GRIN2A: variants seen among roughly 807,000 people sequenced by gnomAD.
GRIN2A encodes glutamate receptor ionotropic, NMDA 2A.
GRIN2A carries 22 observed loss-of-function variants against 113.4 expected under a neutral mutation model. The ratio of observed to expected loss-of-function variants is 0.19; its 90% CI spans 0.14 to 0.28. The LOEUF (loss-of-function observed/expected upper bound fraction) is 0.28, where lower values mean the gene tolerates loss of function less well. GRIN2A is among the 10% of genes least tolerant of loss of function. GRIN2A has a pLI of 1.00. For missense variants in GRIN2A, 1,502 were observed against 1,887.0 expected (o/e 0.80, Z 3.78); for synonymous variants, 827 against 738.4 (o/e 1.12, Z -1.94).
intron 2 of GRIN2A, among the ~76,000 whole-genome samples, chr16:9,991,268 G>C (rs537562425): frequency 3.3e-5 from 5 of 152,234 alleles, no homozygotes; most frequent in African/African-American, 1.2e-4. Flanking sequence ...AGGGATCCAA[G>C]TCCTAGATAG....
intron 5 of GRIN2A, among the ~76,000 whole-genome samples, chr16:9,841,964 A>G (rs1241568634): frequency 6.6e-6 from 1 of 152,230 alleles, no homozygotes; most frequent in African/African-American, 2.4e-5. Flanking sequence ...CTTTAAAAAG[A>G]AAGGAGGCCG....
At chr16:9,905,983 T>G (rs575574331) in intron 3 of GRIN2A, among the ~76,000 whole-genome samples, 171 of 152,340 alleles carry the variant, frequency 1.1e-3, no homozygotes, top group Non-Finnish European at 2.0e-3. Flanking sequence ...CAATATTTTC[T>G]ATTGTTTCTC....
At chr16:9,877,445 G>C (rs926626483) in intron 4 of GRIN2A, among the ~76,000 whole-genome samples, 1 of 152,100 alleles carries the variant, frequency 6.6e-6, no homozygotes, top group Non-Finnish European at 1.5e-5. Context: ...ATCTCCAGTT[G>C]AAGGTGGGTC....
chr16:9,845,345 G>T (rs1408558625), intron 5 of GRIN2A, among the ~76,000 whole-genome samples: 1 of 152,122 alleles, frequency 6.6e-6, no homozygotes, highest in Non-Finnish European at 1.5e-5. Flanking sequence ...TTCAGCTCCA[G>T]GGCTTTTGAT....
At chr16:10,071,055 C>T (rs1283224732) in intron 2 of GRIN2A, among the ~76,000 whole-genome samples, 2 of 152,118 alleles carry the variant, frequency 1.3e-5, no homozygotes, top group Non-Finnish European at 2.9e-5. Context: ...TCTCCTCATG[C>T]CATCCGATAG....
chr16:10,133,383 G>T (rs563562134), intron 2 of GRIN2A, among the ~76,000 whole-genome samples: 1 of 152,310 alleles, frequency 6.6e-6, no homozygotes, highest in East Asian at 1.9e-4. Flanking sequence ...CAAGGCGGGT[G>T]GATCACCTGA....
intron 2 of GRIN2A, among the ~76,000 whole-genome samples, chr16:9,969,187 T>C (rs2045620758): frequency 6.6e-6 from 1 of 152,108 alleles, no homozygotes; most frequent in Non-Finnish European, 1.5e-5. Flanking sequence ...GTGGTCAAGG[T>C]GATCTCCTCG....
intron 5 of GRIN2A, among the ~76,000 whole-genome samples, chr16:9,848,078 C>T (rs2141364311): frequency 6.9e-6 from 1 of 144,756 alleles, no homozygotes; most frequent in East Asian, 2.0e-4. Context: ...TATATATAAA[C>T]TTGTACATTA....
rs2049603960 is a variant in GRIN2A, at chr16:10,152,529, C to T, written c.414+27469G>A. On this transcript the variant is annotated intron_variant, in intron 2 of 12. Coordinates refer to ENST00000330684, the MANE Select transcript of GRIN2A (RefSeq NM_001134407.3). ...GTCCGTTTTCCCCCCAACCATCACTCACTCTGACCTGGTTCATTCTCCAGG... is the reference window on the plus strand; with the variant it reads ...GTCCGTTTTCCCCCCAACCATCACTTACTCTGACCTGGTTCATTCTCCAGG... Among the ~76,000 whole-genome samples, 3 of 152,216 alleles carry T rather than the reference C, an allele frequency of 2.0e-5. No individual in the cohort carries two copies. The South Asian group carries it at 6.2e-4, about 32-fold the overall frequency.
At chr16:10,068,589 A>G (rs1309587759) in intron 2 of GRIN2A, among the ~76,000 whole-genome samples, 1 of 152,232 alleles carries the variant, frequency 6.6e-6, no homozygotes. Context: ...CCATGATCCA[A>G]ACACTTCCCA....
intron 2 of GRIN2A, among the ~76,000 whole-genome samples, chr16:9,954,311 A>G (rs2045256807): frequency 6.6e-6 from 1 of 152,168 alleles, no homozygotes; most frequent in South Asian, 2.1e-4. Flanking sequence ...TCCCCAGAGA[A>G]CAAAAAGGAA....
chr16:9,997,747 G>T (rs1192317206), intron 2 of GRIN2A, among the ~76,000 whole-genome samples: 1 of 152,134 alleles, frequency 6.6e-6, no homozygotes, highest in Non-Finnish European at 1.5e-5. Flanking sequence ...GAATCATGGA[G>T]GTGGGTTTTT....
chr16:9,902,624 A>C (rs1273245220), intron 3 of GRIN2A, among the ~76,000 whole-genome samples: 6 of 152,220 alleles, frequency 3.9e-5, no homozygotes, highest in Admixed American at 1.3e-4. Flanking sequence ...GCTTTGAATT[A>C]AGGTGCACCA....
At chr16:9,785,105 T>C (rs533550318) in intron 11 of GRIN2A, among the ~76,000 whole-genome samples, 2 of 152,214 alleles carry the variant, frequency 1.3e-5, no homozygotes, top group African/African-American at 2.4e-5. Context: ...ACCCAAAGGA[T>C]TATAAATCAT....
chr16:10,067,339 CAA>C (rs143669188), intron 2 of GRIN2A, among the ~76,000 whole-genome samples: 1 of 152,274 alleles, frequency 6.6e-6, no homozygotes, highest in East Asian at 1.9e-4. Context: ...GGTGGAGCCA[CAA>C]AAGTCTGTTT....
At chr16:10,150,580 C>T (rs1362974601) in intron 2 of GRIN2A, among the ~76,000 whole-genome samples, 1 of 152,156 alleles carries the variant, frequency 6.6e-6, no homozygotes, top group African/African-American at 2.4e-5. Context: ...CTGCAGCCAT[C>T]CTAGTCTTCT....
chr16:9,802,040 A>G (rs1332757776), intron 10 of GRIN2A, among the ~76,000 whole-genome samples: 1 of 152,216 alleles, frequency 6.6e-6, no homozygotes, highest in South Asian at 2.1e-4. Context: ...CCAGTCAGAA[A>G]GGGCTATTAT....
chr16:9,898,306 C>T (rs1395757964), intron 3 of GRIN2A, among the ~76,000 whole-genome samples: 1 of 152,148 alleles, frequency 6.6e-6, no homozygotes, highest in Admixed American at 6.6e-5. Context: ...CATGCTTCCC[C>T]TTGCCATTTA....
At chr16:9,795,093 C>A (rs563755261) in intron 11 of GRIN2A, among the ~76,000 whole-genome samples, 1 of 152,198 alleles carries the variant, frequency 6.6e-6, no homozygotes, top group South Asian at 2.1e-4. Context: ...AACCAGAACA[C>A]TCCATCTTAA....
Sources: gnomAD v4.1 joint callset for allele counts (sites outside exome capture counted in the v4.1 genomes callset) on GRCh38, gnomAD v4.1.1 for gene constraint, MANE v1.5 for transcripts, NCBI Gene and HGNC (gene_info 2026-07-23, HGNC 2026-07-21) for gene names.